The following CACNA1C variants were observed in gnomAD, a reference collection of about 807,000 sequenced individuals.
CACNA1C encodes voltage-dependent L-type calcium channel subunit alpha-1C.
Under a neutral mutation model 229.0 loss-of-function variants are expected in CACNA1C, and 30 were observed. The ratio of observed to expected loss-of-function variants is 0.13; its 90% CI spans 0.10 to 0.18. The LOEUF is 0.18. Ranked by LOEUF, CACNA1C falls within the 10% of genes least tolerant of loss-of-function variation. CACNA1C has a pLI of 1.00. For missense variants in CACNA1C, 1,658 were observed against 2,845.0 expected (o/e 0.58, Z 9.49); for synonymous variants, 1,114 against 1,132.5 (o/e 0.98, Z 0.33).
chr12:2,180,031 A>T (rs1393512857), intron 3 of CACNA1C, among the ~76,000 whole-genome samples: 1 of 152,124 alleles, frequency 6.6e-6, no homozygotes, highest in African/African-American at 2.4e-5. Flanking sequence ...AGGCCCTCCA[A>T]CTGCCTCCTG....
At chr12:2,496,717 C>G (rs1457201509) in intron 7 of CACNA1C, among the ~76,000 whole-genome samples, 1 of 152,246 alleles carries the variant, frequency 6.6e-6, no homozygotes, top group Non-Finnish European at 1.5e-5. Flanking sequence ...TGCATTGAGG[C>G]TCCAACAAGC....
At chr12:2,427,524 C>T (rs111923691) in intron 3 of CACNA1C, among the ~76,000 whole-genome samples, 6,025 of 63,498 alleles carry the variant, frequency 0.095, 196 homozygotes, top group Non-Finnish European at 0.12. Context: ...GGCTCGCTAC[C>T]GACCCACACA....
At chr12:2,413,531 C>T (rs1205839049) in intron 3 of CACNA1C, among the ~76,000 whole-genome samples, 1 of 152,196 alleles carries the variant, frequency 6.6e-6, no homozygotes, top group Non-Finnish European at 1.5e-5. Flanking sequence ...CAACAGAGCT[C>T]TGATAAAATG....
intron 3 of CACNA1C, among the ~76,000 whole-genome samples, chr12:2,262,710 T>C (rs145909138): frequency 1.6e-4 from 24 of 152,238 alleles, no homozygotes; most frequent in Admixed American, 3.3e-4. Context: ...GTCTAAAATA[T>C]GGGATGAATG....
At chr12:2,526,818 G>A (rs890607313) in intron 9 of CACNA1C, among the ~76,000 whole-genome samples, 2 of 152,162 alleles carry the variant, frequency 1.3e-5, no homozygotes, top group Admixed American at 1.3e-4. Flanking sequence ...CATTTACTCA[G>A]TCATAAAAAT....
At chr12:2,436,801 A>C (rs2099139309) in intron 3 of CACNA1C, among the ~76,000 whole-genome samples, 1 of 152,174 alleles carries the variant, frequency 6.6e-6, no homozygotes, top group Non-Finnish European at 1.5e-5. Context: ...ACAATAAGGA[A>C]ATTTTATCTC....
intron 1 of CACNA1C, among the ~76,000 whole-genome samples, chr12:1,977,070 A>C (rs2034617137): frequency 6.6e-6 from 1 of 152,210 alleles, no homozygotes; most frequent in African/African-American, 2.4e-5. Flanking sequence ...TTACTTGGTA[A>C]TAAATTTACA....
chr12:2,569,778 G>A (rs2053342022), intron 13 of CACNA1C, among the ~76,000 whole-genome samples: 1 of 152,152 alleles, frequency 6.6e-6, no homozygotes, highest in Non-Finnish European at 1.5e-5. Flanking sequence ...TCCTATAGAT[G>A]TAGGCTTTTG....
intron 22 of CACNA1C, chr12:2,603,542 C>G (rs2073844035): frequency 6.6e-6 from 1 of 152,228 alleles, no homozygotes; most frequent in Admixed American, 6.5e-5. Context: ...TAGCTGCTCA[C>G]CAAGGTGGTA....
intron 3 of CACNA1C, among the ~76,000 whole-genome samples, chr12:2,307,202 G>A (rs1367587647): frequency 1.3e-5 from 2 of 152,190 alleles, no homozygotes; most frequent in Non-Finnish European, 2.9e-5. Flanking sequence ...AGGACTCAGA[G>A]TTGTGTTCTT....
In CACNA1C at chr12:2,601,922, G is replaced by C; in HGVS notation, c.2922G>C (p.Leu974=). 6.2e-7 allele frequency: 1 copy of C among 1,613,894 alleles called. No individual in the cohort carries two copies. Among genetic ancestry groups the C allele is most frequent in the East Asian group, 2.2e-5 (1 of 44,876 alleles). The change falls in exon 22 of 47, where the codon CTG becomes CTC. Residue 974 remains leucine (L), a synonymous_variant. Transcript: ENST00000399655. The surrounding 1 kb of genome is among the most constrained non-coding windows in gnomAD (Gnocchi z 5.9). ...GGAACTACTTCAACATCCTGGACCT[G>C]CTGGTGGTCAGCGTGTCCCTCATCT... ...FCRNYFNILD[L]LVVSVSLISF... is the part of the protein sequence containing the mutation.
rs191225049 is a variant in CACNA1C at position 2,499,722 on chromosome 12, A to C, written c.1114-5120A>C. Among the ~76,000 whole-genome samples the C allele has an allele frequency of 1.8e-4, 27 of 152,290 alleles. No homozygotes were observed. The East Asian group carries it at 3.5e-3, about 20-fold the overall frequency. On this transcript the variant is annotated intron_variant, in intron 7 of 46. Coordinates refer to ENST00000399655, the MANE Select transcript of CACNA1C (RefSeq NM_000719.7). ...GCTGACTTTCCTTAGGAAAGTCAGG[A>C]GACCTGAGGAACACGGCTTAATGGC...
At chr12:2,083,149 G>A (rs375001649) in intron 1 of CACNA1C, among the ~76,000 whole-genome samples, 2 of 152,126 alleles carry the variant, frequency 1.3e-5, no homozygotes, top group African/African-American at 4.8e-5. Flanking sequence ...ATCATTCTTT[G>A]GAGGGTTTTT....
Position 2,677,855 on chromosome 12 carries a change from T to G in CACNA1C, c.5079T>G (p.Asp1693Glu), listed in dbSNP as rs2096900928. Residue 1693 changes from aspartate to glutamate, a missense_variant, in exon 41 of 47, where the codon GAT (aspartate) becomes GAG (glutamate). This residue lies in a region of CACNA1C where 590 missense variants were observed against 700.8 expected (regional missense o/e 0.84). Coordinates refer to ENST00000399655, the MANE Select transcript of CACNA1C (RefSeq NM_000719.7). This position sits in a 1 kb window ranked among gnomAD's most constrained non-coding sequence, Gnocchi z 7.4. ...AGGCTGTGTCCGCTGCTTCTGAAGA[T>G]GACATCTTCAGGGTGGGTGGTGCCA... ...MKEAVSAASE[D>E]DIFRRAGGLF... 2.5e-6 allele frequency: 4 copies of G among 1,613,898 alleles called. No homozygotes were observed. The highest frequency in any genetic ancestry group is 3.4e-6 in the Non-Finnish European group (4 of 1,179,896).
At chr12:2,439,907 G>A (rs1261866114) in intron 3 of CACNA1C, among the ~76,000 whole-genome samples, 3 of 152,024 alleles carry the variant, frequency 2.0e-5, no homozygotes, top group Admixed American at 1.3e-4. Context: ...AGCCCAGACC[G>A]TTCGGAGCAG....
At chr12:2,579,416 A>G (rs2059733178) in intron 13 of CACNA1C, among the ~76,000 whole-genome samples, 1 of 151,952 alleles carries the variant, frequency 6.6e-6, no homozygotes, top group Non-Finnish European at 1.5e-5. Flanking sequence ...CCCAACTCCC[A>G]GTGTATTGGC....
chr12:2,422,841 G>A (rs1355583730), intron 3 of CACNA1C, among the ~76,000 whole-genome samples: 2 of 152,180 alleles, frequency 1.3e-5, no homozygotes, highest in African/African-American at 4.8e-5. Context: ...CGTGGGGCAA[G>A]TGAGGGAGAG....
chr12:1,997,593 T>C (rs2041245650), intron 1 of CACNA1C, among the ~76,000 whole-genome samples: 1 of 152,242 alleles, frequency 6.6e-6, no homozygotes, highest in East Asian at 1.9e-4. Context: ...GTATTTCTGA[T>C]AGTGTTCTTC....
At position 2,054,420 on chromosome 12, in the gene CACNA1C, A is replaced by G. The variant is rs1252334351; in HGVS notation, c.49+809A>G. Among the ~76,000 whole-genome samples, 2 of 152,112 alleles carry G rather than the reference A, an allele frequency of 1.3e-5. No individual in the cohort carries two copies. Among genetic ancestry groups the G allele is most frequent in the Non-Finnish European group, 2.9e-5 (2 of 68,022 alleles). On this transcript the variant is annotated intron_variant, in intron 1 of 46. Coordinates refer to ENST00000399655, the MANE Select transcript of CACNA1C (RefSeq NM_000719.7). The surrounding 1 kb of genome is among the most constrained non-coding windows in gnomAD (Gnocchi z 5.5). ...TGCTGTTTCGTGTTTGAAGGAGATC[A>G]TGAAAGGGTGTGCCTGGCTCACGCG...
Sources: gnomAD v4.1 joint callset for allele counts (sites outside exome capture counted in the v4.1 genomes callset) on GRCh38, gnomAD v4.1.1 for gene constraint, gnomAD v4.1.1 regional missense constraint, Gnocchi (gnomAD v3.1) non-coding constraint, MANE v1.5 for transcripts, NCBI Gene and HGNC (gene_info 2026-07-23, HGNC 2026-07-21) for gene names.